The following SLTM variants were observed in gnomAD, a reference collection of about 807,000 sequenced individuals.
SLTM encodes the protein SAFB like transcription modulator.
Under a neutral mutation model 134.6 loss-of-function variants are expected in SLTM, and 43 were observed. The ratio of observed to expected loss-of-function variants is 0.32; its 90% CI spans 0.25 to 0.41. The LOEUF (loss-of-function observed/expected upper bound fraction) is 0.41. Among genes scored for constraint, SLTM ranks in the 10% least tolerant of loss-of-function variants. SLTM has a pLI of 1.00. For synonymous variants in SLTM, 424 were observed against 432.3 expected (o/e 0.98, Z 0.24); for missense variants, 1,055 against 1,288.8 (o/e 0.82, Z 2.78).
chr15:58,888,332 G>C, intron 17 of SLTM, 53 bp downstream of exon 17: 1 of 1,460,642 alleles, frequency 6.8e-7, no homozygotes, highest in Non-Finnish European at 9.3e-7. Context: ...GAGAAACAGA[G>C]TTATCACTAG....
chr15:58,925,935 A>T (rs1321007308), intron 2 of SLTM, among the ~76,000 whole-genome samples: 1 of 152,222 alleles, frequency 6.6e-6, no homozygotes, highest in Admixed American at 6.5e-5. Context: ...AGTTTTCCGA[A>T]AACTGAAAAG....
chr15:58,887,834 C>T (rs1292969794), intron 17 of SLTM, among the ~76,000 whole-genome samples: 4 of 152,158 alleles, frequency 2.6e-5, no homozygotes, highest in Non-Finnish European at 5.9e-5. Flanking sequence ...ATATCCAAAG[C>T]AATCAGTGCT....
chr15:58,909,175 C>T (rs1215679368), intron 5 of SLTM, among the ~76,000 whole-genome samples: 1 of 152,068 alleles, frequency 6.6e-6, no homozygotes. Flanking sequence ...TACCAGCAAG[C>T]AAGGAATCAA....
intron 14 of SLTM, among the ~76,000 whole-genome samples, 190 bp from the exon 15 acceptor site, chr15:58,890,651 T>C (rs1357603715): frequency 6.6e-6 from 1 of 152,196 alleles, no homozygotes; most frequent in African/African-American, 2.4e-5. Context: ...CACTTATCTA[T>C]AAATAAGACT....
intron 6 of SLTM, 109 bp downstream of exon 6, chr15:58,901,151 T>A (rs545594797): frequency 1.1e-6 from 1 of 882,322 alleles, no homozygotes; most frequent in African/African-American, 1.7e-5. Context: ...ATGGATAAAT[T>A]TGAAAATAAA....
chr15:58,881,390 T>C (rs2033697423), intron 20 of SLTM, among the ~76,000 whole-genome samples: 1 of 151,116 alleles, frequency 6.6e-6, no homozygotes, highest in Non-Finnish European at 1.5e-5. Flanking sequence ...CAGCTGAACA[T>C]GGTGGCACAC....
At chr15:58,901,099 C>G in intron 6 of SLTM, 161 bp downstream of exon 6, 1 of 640,168 alleles carries the variant, frequency 1.6e-6, no homozygotes, top group Non-Finnish European at 2.7e-6. Flanking sequence ...AAAATTAAAA[C>G]CAATTGGAAA....
At chr15:58,932,553 C>T (rs896780336) in intron 1 of SLTM, 110 bp from the exon 2 acceptor site, 7 of 680,014 alleles carry the variant, frequency 1.0e-5, no homozygotes, top group South Asian at 3.8e-5. Context: ...ATTAGAATTG[C>T]CAGTCATTTC....
At chr15:58,912,634 C>T in intron 4 of SLTM, 24 bp from the exon 5 acceptor site, 1 of 1,578,022 alleles carries the variant, frequency 6.3e-7, no homozygotes, top group Non-Finnish European at 8.6e-7. Flanking sequence ...TATACAATAG[C>T]TTTGCTTTAT....
chr15:58,906,901 T>A (rs921225636), intron 5 of SLTM, among the ~76,000 whole-genome samples: 1 of 152,202 alleles, frequency 6.6e-6, no homozygotes, highest in African/African-American at 2.4e-5. Flanking sequence ...TCAGAAAACA[T>A]TTCCTAGTGT....
intron 5 of SLTM, among the ~76,000 whole-genome samples, chr15:58,907,491 G>A (rs373635130): frequency 3.9e-5 from 6 of 151,994 alleles, no homozygotes; most frequent in South Asian, 4.2e-4. Context: ...GTGTGGTGGC[G>A]CACGCCTGTA....
At chr15:58,910,958 C>T (rs1595898096) in intron 5 of SLTM, among the ~76,000 whole-genome samples, 1 of 151,876 alleles carries the variant, frequency 6.6e-6, no homozygotes, top group Non-Finnish European at 1.5e-5. Context: ...ATTGGCCAGG[C>T]TTGTCTCCAA....
chr15:58,894,702 CAT>C (rs2034935132), intron 9 of SLTM, 120 bp from the exon 10 acceptor site: 1 of 686,778 alleles, frequency 1.5e-6, no homozygotes, highest in Non-Finnish European at 2.2e-6. Context: ...TATTCTGTCT[CAT>C]GTTTTTTTTT....
intron 17 of SLTM, 103 bp downstream of exon 17, chr15:58,888,282 G>A (rs926475724): frequency 1.1e-6 from 1 of 943,466 alleles, no homozygotes; most frequent in Non-Finnish European, 1.6e-6. Context: ...ATTGTTCTGA[G>A]CATTCAGTTC....
intron 2 of SLTM, among the ~76,000 whole-genome samples, chr15:58,918,231 A>AT (rs1213647958): frequency 3.0e-4 from 46 of 150,986 alleles, no homozygotes; most frequent in Middle Eastern, 3.4e-3. Context: ...ATTAAAAAAA[A>AT]TTTTTTTTTT....
chr15:58,898,318 T>G (rs1425674006), intron 8 of SLTM: 2 of 152,240 alleles, frequency 1.3e-5, no homozygotes, highest in East Asian at 3.8e-4. Flanking sequence ...ACCAGAGATT[T>G]CTCAGTATCA....
chr15:58,911,410 C>G (rs2036260216), intron 5 of SLTM, among the ~76,000 whole-genome samples: 1 of 152,242 alleles, frequency 6.6e-6, no homozygotes, highest in Admixed American at 6.5e-5. Flanking sequence ...GAACCCATAT[C>G]TCTATTTGAA....
intron 2 of SLTM, among the ~76,000 whole-genome samples, chr15:58,923,731 A>G (rs2037261423): frequency 6.6e-6 from 1 of 152,116 alleles, no homozygotes; most frequent in African/African-American, 2.4e-5. Flanking sequence ...AACTGCCGCA[A>G]AACTGTGAAA....
chr15:58,918,150 C>A (rs371044430), intron 2 of SLTM, among the ~76,000 whole-genome samples: 5 of 151,452 alleles, frequency 3.3e-5, no homozygotes, highest in African/African-American at 9.7e-5. Context: ...TCAGGCTAGT[C>A]CACAAAATCC....
Sources: gnomAD v4.1 joint callset for allele counts (sites outside exome capture counted in the v4.1 genomes callset) on GRCh38, gnomAD v4.1.1 for gene constraint, MANE v1.5 for transcripts, NCBI Gene and HGNC (gene_info 2026-07-23, HGNC 2026-07-21) for gene names.